The following ABCC9 variants were observed in gnomAD, a reference collection of about 807,000 sequenced individuals.
ABCC9 encodes ATP binding cassette subfamily C member 9.
A neutral mutation model predicts 188.3 loss-of-function variants in ABCC9; 95 were observed. The ratio of observed to expected loss-of-function variants is 0.50; its 90% CI spans 0.43 to 0.60. ABCC9 has a LOEUF of 0.60. ABCC9 is among the 20% of genes least tolerant of loss of function. The pLI, the probability that ABCC9 is intolerant of heterozygous loss-of-function variation, is 0.00. For synonymous variants in ABCC9, 659 were observed against 652.7 expected, an observed-to-expected ratio of 1.01 and a Z score of -0.15; for missense variants, 1,102 against 1,876.3, an observed-to-expected ratio of 0.59 and a Z score of 7.62.
intron 18 of ABCC9, among the ~76,000 whole-genome samples, chr12:21,871,859 G>T (rs190540518): frequency 1.3e-5 from 2 of 152,262 alleles, no homozygotes; most frequent in Middle Eastern, 3.4e-3. Context: ...AGAACCACTG[G>T]TCTATAGCCT....
At chr12:21,827,676 C>A (rs1360299013) in intron 31 of ABCC9, among the ~76,000 whole-genome samples, 3 of 152,098 alleles carry the variant, frequency 2.0e-5, no homozygotes, top group South Asian at 2.1e-4. Context: ...AGTAACACTT[C>A]ACTTGCCTTT....
chr12:21,934,371 C>T (rs1949404178), intron 3 of ABCC9, among the ~76,000 whole-genome samples: 1 of 152,056 alleles, frequency 6.6e-6, no homozygotes, highest in African/African-American at 2.4e-5. Flanking sequence ...GCTGAGTCAA[C>T]TCTTAATCAT....
intron 29 of ABCC9, among the ~76,000 whole-genome samples, chr12:21,840,232 C>T (rs192928273): frequency 6.6e-6 from 1 of 152,176 alleles, no homozygotes; most frequent in African/African-American, 2.4e-5. Context: ...TTAGTGTATA[C>T]AAAAATGGCA....
At position 21,862,962 on chromosome 12, in the gene ABCC9, T is replaced by G. The variant is rs1945595014; in HGVS notation, c.2330A>C (p.Asn777Thr). 6.2e-7 allele frequency: 1 copy of G among 1,605,372 alleles called. No homozygotes were observed. Among genetic ancestry groups the G allele is most frequent in the Non-Finnish European group, 8.5e-7 (1 of 1,172,602 alleles). Reference protein sequence around the residue: ...EENITFGSPFNKQRYKAVTDA... With the variant: ...EENITFGSPFTKQRYKAVTDA... ...ATATGCTCAAAATTACCTCTGTTTG[T>G]TAAAAGGACTTCCAAAAGTAATATT... Residue 777 changes from asparagine (N) to threonine (T), a missense_variant, in exon 20 of 40, where the codon AAC becomes ACC. Asn to Thr is a moderately conservative substitution (Grantham distance 65, BLOSUM62 0). Transcript: ENST00000261200.
chr12:21,834,106 A>G (rs770923731), intron 30 of ABCC9, among the ~76,000 whole-genome samples: 1 of 152,152 alleles, frequency 6.6e-6, no homozygotes, highest in East Asian at 1.9e-4. Flanking sequence ...AAGGTTATCA[A>G]TAGCTTCATG....
intron 12 of ABCC9, among the ~76,000 whole-genome samples, chr12:21,899,925 A>G (rs1592182376): frequency 2.6e-5 from 4 of 152,272 alleles, no homozygotes; most frequent in Admixed American, 2.6e-4. Flanking sequence ...ACCTCTGCAG[A>G]CTTAAATGTC....
At chr12:21,933,985 C>A in intron 3 of ABCC9, 62 bp from the exon 4 acceptor site, 1 of 1,588,912 alleles carries the variant, frequency 6.3e-7, no homozygotes. Context: ...TTGTAATAAA[C>A]ATAATTTAAA....
chr12:21,831,212 C>T (rs940812517), intron 30 of ABCC9: 1 of 152,082 alleles, frequency 6.6e-6, no homozygotes, highest in Non-Finnish European at 1.5e-5. Flanking sequence ...CCACCATGCC[C>T]AACTAATTTT....
intron 12 of ABCC9, among the ~76,000 whole-genome samples, chr12:21,902,168 G>C (rs1327768344): frequency 6.6e-6 from 1 of 151,984 alleles, no homozygotes; most frequent in Non-Finnish European, 1.5e-5. Context: ...CAACTACATG[G>C]AAACTGAACA....
chr12:21,817,470 A>T (rs1942720066), intron 32 of ABCC9, among the ~76,000 whole-genome samples, 163 bp from the exon 33 acceptor site: 1 of 152,196 alleles, frequency 6.6e-6, no homozygotes, highest in Non-Finnish European at 1.5e-5. Flanking sequence ...ATGTCATGCG[A>T]TATATCAGCA....
At chr12:21,855,393 T>C (rs564722487) in intron 22 of ABCC9, among the ~76,000 whole-genome samples, 4 of 152,212 alleles carry the variant, frequency 2.6e-5, no homozygotes, top group African/African-American at 9.6e-5. Flanking sequence ...CTAATTTTTT[T>C]GTATTTTCAG....
intron 37 of ABCC9, 31 bp from the exon 38 acceptor site, chr12:21,807,510 T>C (rs1012250973): frequency 5.0e-6 from 8 of 1,613,370 alleles, no homozygotes; most frequent in East Asian, 2.2e-5. Context: ...AGGATTTCAC[T>C]AAAGAAATGC....
In ABCC9 at chr12:21,829,240, T is replaced by C. The variant is rs191651742; in HGVS notation, c.3567-180A>G. Among the ~76,000 whole-genome samples the C allele has an allele frequency of 0.017, 2,409 of 144,838 alleles. 28 individuals are homozygous for C. The highest frequency in any genetic ancestry group is 0.058 in the Middle Eastern group (16 of 276). On this transcript the variant is annotated intron_variant, in intron 30 of 39. Transcript: ENST00000261200. ...TTTTTCAGATGGAGTCTCGCTCTGT[T>C]GCCCAGGCTGGAGTGCAGTGGCGCG...
chr12:21,881,378 C>T (rs2137644158), intron 16 of ABCC9, among the ~76,000 whole-genome samples: 1 of 152,188 alleles, frequency 6.6e-6, no homozygotes, highest in South Asian at 2.1e-4. Flanking sequence ...CATTCAGAAG[C>T]ACAGCAAAGT....
chr12:21,818,510 A>T, intron 31 of ABCC9, among the ~76,000 whole-genome samples: 1 of 135,028 alleles, frequency 7.4e-6, no homozygotes, highest in Non-Finnish European at 1.6e-5. Context: ...ATATATAACT[A>T]TATAGATATA....
rs552919235 is a variant in ABCC9, at chr12:21,849,983, AGCACT to A, written c.2770-1742_2770-1738del. ...TCCTTAAACTGACAGCTCTTTTTCAAGCACTGCATTAGGAAATTTTGTGCATCCTT... is the reference window on the plus strand; with the variant it reads ...TCCTTAAACTGACAGCTCTTTTTCAAGCATTAGGAAATTTTGTGCATCCTT... On this transcript the variant is annotated intron_variant, in intron 24 of 39. Coordinates refer to ENST00000261200, the MANE Select transcript of ABCC9 (RefSeq NM_020297.4). Among the ~76,000 whole-genome samples the A allele has an allele frequency of 1.1e-4, 17 of 151,966 alleles. No individual in the cohort carries two copies. In the South Asian group the frequency reaches 3.5e-3, roughly 32 times the overall value.
At chr12:21,856,159 AT>A (rs752325045) in intron 22 of ABCC9, among the ~76,000 whole-genome samples, 2 of 151,944 alleles carry the variant, frequency 1.3e-5, no homozygotes, top group Admixed American at 6.6e-5. Context: ...GGGATTTGTG[AT>A]TTTTTTTGTC....
At chr12:21,906,695 A>C (rs377310737) in intron 11 of ABCC9, among the ~76,000 whole-genome samples, 3 of 152,212 alleles carry the variant, frequency 2.0e-5, no homozygotes, top group South Asian at 4.1e-4. Flanking sequence ...TACTTACAAG[A>C]AGAAAAATAA....
chr12:21,814,864 T>C, intron 34 of ABCC9, 142 bp from the exon 35 acceptor site: 1 of 733,708 alleles, frequency 1.4e-6, no homozygotes, highest in Non-Finnish European at 2.4e-6. Flanking sequence ...CATTTTTTCT[T>C]AGATCTACAT....
Sources: gnomAD v4.1 joint callset for allele counts (sites outside exome capture counted in the v4.1 genomes callset) on GRCh38, gnomAD v4.1.1 for gene constraint, MANE v1.5 for transcripts, NCBI Gene and HGNC (gene_info 2026-07-23, HGNC 2026-07-21) for gene names.